Variants in CAPS2 observed in about 807,000 individuals in gnomAD.
The protein encoded by CAPS2 is calcyphosin-2.
CAPS2 carries 98 observed loss-of-function variants against 86.5 expected under a neutral mutation model. The ratio of observed to expected loss-of-function variants is 1.13; its 90% CI spans 0.96 to 1.34. The LOEUF is 1.34. Ranked by LOEUF, CAPS2 falls within the 40% of genes most tolerant of loss-of-function variation. CAPS2 has a pLI of 0.00. For missense variants in CAPS2, 729 were observed against 686.8 expected (o/e 1.06, Z -0.69); for synonymous variants, 210 against 225.1 (o/e 0.93, Z 0.60).
In CAPS2 at chr12:75,307,995, A is replaced by C. The variant is rs112612524; in HGVS notation, c.660-3119T>G. Among the ~76,000 whole-genome samples the C allele has an allele frequency of 4.7e-3, 717 of 152,296 alleles. 7 individuals carry two copies. The highest frequency in any genetic ancestry group is 0.016 in the African/African-American group (685 of 41,562). On this transcript the variant is annotated intron_variant, in intron 7 of 16. Transcript: ENST00000393284. ...CACACCCAAGTAACAACAGGACCAG[A>C]GGCTACTCCCTTTGCAACCACCCCC... is the stretch of plus-strand genomic sequence containing the variant.
In CAPS2 at chr12:75,312,847, C is replaced by G; in HGVS notation, c.659+1G>C. On this transcript the variant is annotated splice_donor_variant, in intron 7 of 16. Coordinates refer to ENST00000393284, the Ensembl canonical transcript of CAPS2. LOFTEE classifies it high-confidence loss of function. ...TTCTATTACCAGTTGCTAATTCTCA[C>G]CTAGATAAGTGGTCTATCATCACTT... 1 of 1,546,138 alleles carries G rather than the reference C, an allele frequency of 6.5e-7. No homozygotes were observed. The highest frequency in any genetic ancestry group is 8.9e-7 in the Non-Finnish European group (1 of 1,119,912).
intron 1 of CAPS2, among the ~76,000 whole-genome samples, chr12:75,358,858 GT>G (rs1053658816): frequency 1.6e-5 from 2 of 126,884 alleles, no homozygotes; most frequent in Non-Finnish European, 3.3e-5. Flanking sequence ...ATTATATATG[GT>G]TTAAACATAT....
chr12:75,387,562 ATAC>A (rs1198802484), intron 1 of CAPS2, among the ~76,000 whole-genome samples: 1 of 152,158 alleles, frequency 6.6e-6, no homozygotes, highest in African/African-American at 2.4e-5. Flanking sequence ...TCATAAGAAA[ATAC>A]CTGAAACTGA....
intron 8 of CAPS2, among the ~76,000 whole-genome samples, chr12:75,303,394 C>T (rs2038056137): frequency 6.6e-6 from 1 of 152,102 alleles, no homozygotes; most frequent in Non-Finnish European, 1.5e-5. Flanking sequence ...CATAACCAGG[C>T]AGTTCTAATC....
At chr12:75,286,620 T>C (rs745661699) in intron 14 of CAPS2, among the ~76,000 whole-genome samples, 1 of 151,910 alleles carries the variant, frequency 6.6e-6, no homozygotes, top group African/African-American at 2.4e-5. Context: ...AGTAACTCTA[T>C]ATAAATTAGG....
downstream of CAPS2, chr12:75,276,117 TG>T (rs1565731824): frequency 7.5e-7 from 1 of 1,336,352 alleles, no homozygotes; most frequent in Non-Finnish European, 9.9e-7. Flanking sequence ...AATACATCCA[TG>T]TCCACCCTGC....
At chr12:75,385,432 G>C (rs540870504) in intron 1 of CAPS2, among the ~76,000 whole-genome samples, 1 of 151,896 alleles carries the variant, frequency 6.6e-6, no homozygotes, top group African/African-American at 2.4e-5. Context: ...AATAAACTAG[G>C]AATAGTAGGA....
chr12:75,350,146 G>C (rs2042710790), intron 1 of CAPS2, among the ~76,000 whole-genome samples: 1 of 152,236 alleles, frequency 6.6e-6, no homozygotes, highest in Non-Finnish European at 1.5e-5. Context: ...GCTTCTTTAA[G>C]CGAGACCCTG....
At chr12:75,292,424 A>G (rs2036137105) in intron 12 of CAPS2, among the ~76,000 whole-genome samples, 1 of 152,010 alleles carries the variant, frequency 6.6e-6, no homozygotes, top group Non-Finnish European at 1.5e-5. Context: ...TATTAAATTT[A>G]AAAGCAATTT....
At chr12:75,339,458 T>A (rs1455994354) in intron 1 of CAPS2, among the ~76,000 whole-genome samples, 1 of 152,208 alleles carries the variant, frequency 6.6e-6, no homozygotes, top group Admixed American at 6.5e-5. Context: ...GTTCTTTAAA[T>A]TTATTTAATC....
At chr12:75,281,156 G>T (rs1273410372) in intron 16 of CAPS2, among the ~76,000 whole-genome samples, 3 of 151,812 alleles carry the variant, frequency 2.0e-5, no homozygotes, top group Non-Finnish European at 2.9e-5. Flanking sequence ...TGGAGGAAAA[G>T]AACTCTTCAA....
chr12:75,358,434 T>A (rs540249668), intron 1 of CAPS2, among the ~76,000 whole-genome samples: 1 of 151,732 alleles, frequency 6.6e-6, no homozygotes, highest in South Asian at 2.1e-4. Flanking sequence ...CTAAAATGAA[T>A]CAGTTAATCA....
At chr12:75,321,750 C>T (rs2040324829) in intron 4 of CAPS2, among the ~76,000 whole-genome samples, 174 bp from the exon 5 acceptor site, 1 of 152,126 alleles carries the variant, frequency 6.6e-6, no homozygotes, top group South Asian at 2.1e-4. Flanking sequence ...GACAGCATCA[C>T]TGACCAATCA....
At chr12:75,355,462 C>A (rs991637683) in intron 1 of CAPS2, among the ~76,000 whole-genome samples, 4 of 152,048 alleles carry the variant, frequency 2.6e-5, no homozygotes, top group Non-Finnish European at 5.9e-5. Context: ...ATTAAAAAGT[C>A]CAGAAACAAC....
intron 1 of CAPS2, among the ~76,000 whole-genome samples, chr12:75,345,985 G>A (rs2042418427): frequency 1.3e-5 from 2 of 152,080 alleles, no homozygotes; most frequent in South Asian, 4.1e-4. Context: ...CTTGCTTAAT[G>A]TTCTAAACAA....
At chr12:75,327,776 T>C (rs1016549479), upstream of CAPS2, among the ~76,000 whole-genome samples, 9 of 150,404 alleles carry the variant, frequency 6.0e-5, no homozygotes, top group Non-Finnish European at 1.2e-4. Flanking sequence ...CAATAAACGG[T>C]AGCCATCATT....
intron 1 of CAPS2, among the ~76,000 whole-genome samples, chr12:75,342,621 G>T (rs1232339576): frequency 5.9e-5 from 9 of 152,090 alleles, no homozygotes; most frequent in Non-Finnish European, 1.2e-4. Flanking sequence ...ATCTGGTAGA[G>T]AAAGTCTCCA....
At chr12:75,327,368 T>C (rs1024001010), upstream of CAPS2, among the ~76,000 whole-genome samples, 11 of 152,178 alleles carry the variant, frequency 7.2e-5, no homozygotes, top group African/African-American at 2.2e-4. Context: ...AATGTGGTGA[T>C]TGGTAAAAAT....
At chr12:75,365,587 T>C (rs911209985) in intron 1 of CAPS2, among the ~76,000 whole-genome samples, 3 of 152,148 alleles carry the variant, frequency 2.0e-5, no homozygotes, top group African/African-American at 4.8e-5. Flanking sequence ...AAGTTGGATG[T>C]TGCCCAGAGA....
Sources: gnomAD v4.1 joint callset for allele counts (sites outside exome capture counted in the v4.1 genomes callset) on GRCh38, gnomAD v4.1.1 for gene constraint, MANE v1.5 for transcripts, NCBI Gene and HGNC (gene_info 2026-07-23, HGNC 2026-07-21) for gene names.